Variants in ARHGAP32 observed in about 807,000 individuals in gnomAD.
ARHGAP32 encodes the protein rho GTPase-activating protein 32.
Under a neutral mutation model 186.5 loss-of-function variants are expected in ARHGAP32, and 51 were observed. The observed-to-expected ratio is 0.27, with a 90% confidence interval of 0.22 to 0.35. The LOEUF (loss-of-function observed/expected upper bound fraction) is 0.35, where lower values mean the gene tolerates loss of function less well. ARHGAP32 is among the 10% of genes least tolerant of loss of function. The pLI, the probability that ARHGAP32 is intolerant of heterozygous loss-of-function variation, is 1.00. For synonymous variants in ARHGAP32, 950 were observed against 964.3 expected, an observed-to-expected ratio of 0.99 and a Z score of 0.27; for missense variants, 2,186 against 2,623.5, an observed-to-expected ratio of 0.83 and a Z score of 3.64.
At position 129,040,672 on chromosome 11, in the gene ARHGAP32, G is replaced by A. The variant is rs561952793; in HGVS notation, c.1045+256C>T. Among the ~76,000 whole-genome samples, 233 of 152,096 alleles carry A rather than the reference G, an allele frequency of 1.5e-3. 2 individuals carry two copies. The highest frequency in any genetic ancestry group is 5.5e-3 in the African/African-American group (228 of 41,498). On this transcript the variant is annotated intron_variant, in intron 11 of 22. Transcript: ENST00000682385. ...ATTCATTAAGTTACAATGCTATTAT[G>A]CAACTATAAAAGTAAATAATGACAA...
chr11:129,005,002 A>T (rs557236066), intron 11 of ARHGAP32, among the ~76,000 whole-genome samples: 1 of 151,690 alleles, frequency 6.6e-6, no homozygotes, highest in Non-Finnish European at 1.5e-5. Flanking sequence ...TGGTGGTATG[A>T]TACAATTTCT....
intron 1 of ARHGAP32, among the ~76,000 whole-genome samples, chr11:129,221,479 C>CTGTG (rs537808170): frequency 0.024 from 2,905 of 121,150 alleles, 48 homozygotes; most frequent in Admixed American, 0.035. Context: ...ATTGTCATTA[C>CTGTG]TGTGTGTGTG....
rs557698308 is a variant in ARHGAP32, at chr11:129,141,476, G to T, written c.226-16582C>A. Among the ~76,000 whole-genome samples the T allele has an allele frequency of 1.8e-4, 27 of 152,216 alleles. No individual in the cohort carries two copies. The East Asian group carries it at 2.9e-3, about 16-fold the overall frequency. On this transcript the variant is annotated intron_variant, in intron 2 of 22. Coordinates refer to ENST00000682385, the MANE Select transcript of ARHGAP32 (RefSeq NM_001378024.1). ...ATCAGACACCGGGGCCTGTCATGGGGTAGGGGGATGGGGAAGGGACAGCAT... is the reference window on the plus strand; with the variant it reads ...ATCAGACACCGGGGCCTGTCATGGGTTAGGGGGATGGGGAAGGGACAGCAT...
intron 6 of ARHGAP32, among the ~76,000 whole-genome samples, chr11:129,069,549 T>C (rs892550552): frequency 1.3e-5 from 2 of 152,006 alleles, no homozygotes; most frequent in South Asian, 4.2e-4. Flanking sequence ...TGCATCAGGG[T>C]TTCAGTCAGC....
At chr11:129,002,871 C>G (rs369612255) in intron 11 of ARHGAP32, among the ~76,000 whole-genome samples, 314 of 135,928 alleles carry the variant, frequency 2.3e-3, no homozygotes, top group African/African-American at 8.6e-3. Context: ...TGCAGTGGCG[C>G]GATCTCGGCT....
At chr11:129,215,688 G>C (rs958437767) in intron 1 of ARHGAP32, among the ~76,000 whole-genome samples, 6 of 152,122 alleles carry the variant, frequency 3.9e-5, no homozygotes, top group African/African-American at 1.2e-4. Flanking sequence ...CTGAGAATCC[G>C]TGTGATTACC....
intron 1 of ARHGAP32, among the ~76,000 whole-genome samples, chr11:129,183,766 A>G (rs1277939732): frequency 6.8e-6 from 1 of 148,056 alleles, no homozygotes. Context: ...CACTCCTAAG[A>G]CCCACCAAAT....
intron 1 of ARHGAP32, among the ~76,000 whole-genome samples, chr11:129,219,986 T>C (rs372153505): frequency 2.0e-5 from 3 of 152,056 alleles, no homozygotes; most frequent in Admixed American, 6.6e-5. Flanking sequence ...CAAACACATT[T>C]CTCTACCCTA....
chr11:129,037,929 C>T (rs1041124999), intron 11 of ARHGAP32, among the ~76,000 whole-genome samples: 5 of 151,632 alleles, frequency 3.3e-5, no homozygotes, highest in East Asian at 1.9e-4. Flanking sequence ...GATGAAACCC[C>T]ATCTCTATCA....
intron 1 of ARHGAP32, among the ~76,000 whole-genome samples, chr11:129,167,390 A>G (rs192219734): frequency 7.0e-4 from 106 of 152,292 alleles, no homozygotes; most frequent in Non-Finnish European, 1.4e-3. Context: ...AGAAATAAAA[A>G]CACGTCTACC....
chr11:129,265,151 G>A (rs1591385375), intron 1 of ARHGAP32, among the ~76,000 whole-genome samples: 1 of 152,202 alleles, frequency 6.6e-6, no homozygotes, highest in Non-Finnish European at 1.5e-5. Flanking sequence ...CAAACTGGGA[G>A]GGAAGTGGAC....
intron 2 of ARHGAP32, among the ~76,000 whole-genome samples, chr11:129,143,676 A>G (rs1943111206): frequency 8.5e-6 from 1 of 118,166 alleles, no homozygotes; most frequent in Non-Finnish European, 2.0e-5. Flanking sequence ...GAGGAGCTGG[A>G]AAGTGCTTCT....
At position 128,973,301 on chromosome 11, in the gene ARHGAP32, A is replaced by G; in HGVS notation, c.3205T>C (p.Ser1069Pro). The G allele has an allele frequency of 6.2e-7, 1 of 1,614,142 alleles. No homozygotes were observed. The stretch of plus-strand genomic sequence containing the variant: ...CCTGGTCTCTTCAATGACTGAGTTG[A>G]GGCTTGCTGTGCGGACTCAGCTAAT... ...LALAESAQQA[S>P]TQSLKRPGTS... is the part of the protein sequence containing the mutation. The change falls in exon 22 of 23, where the codon TCA becomes CCA. Residue 1069 changes from serine (S) to proline (P), a missense_variant. Coordinates refer to ENST00000682385, the MANE Select transcript of ARHGAP32 (RefSeq NM_001378024.1).
At chr11:129,188,808 T>A (rs1944217098) in intron 1 of ARHGAP32, among the ~76,000 whole-genome samples, 2 of 152,186 alleles carry the variant, frequency 1.3e-5, no homozygotes, top group Non-Finnish European at 2.9e-5. Context: ...AGATCAGCGA[T>A]CTGGGCATCT....
intron 6 of ARHGAP32, among the ~76,000 whole-genome samples, chr11:129,071,469 A>T (rs533897758): frequency 6.6e-6 from 1 of 152,224 alleles, no homozygotes; most frequent in South Asian, 2.1e-4. Context: ...GCTCAATATC[A>T]CTAGTCATTA....
intron 5 of ARHGAP32, among the ~76,000 whole-genome samples, chr11:129,105,282 C>G (rs1448858797): frequency 1.3e-5 from 2 of 152,106 alleles, no homozygotes; most frequent in African/African-American, 4.8e-5. Context: ...ATTTTGAAAG[C>G]CATGCACACG....
intron 1 of ARHGAP32, among the ~76,000 whole-genome samples, chr11:129,223,657 C>G (rs1432089000): frequency 6.6e-6 from 1 of 152,028 alleles, no homozygotes; most frequent in East Asian, 1.9e-4. Flanking sequence ...GTTTAGATAC[C>G]AATTTAAATA....
chr11:128,973,202 A>G lies in ARHGAP32; in HGVS notation c.3304T>C (p.Tyr1102His). 1 of 1,614,212 alleles carries G rather than the reference A, an allele frequency of 6.2e-7. No homozygotes were observed. Reference protein sequence around the residue: ...ATTEDNLSSSYSAVALDKAYF... With the variant: ...ATTEDNLSSSHSAVALDKAYF... The stretch of plus-strand genomic sequence containing the variant: ...GCCTTATCTAGAGCAACTGCAGAGT[A>G]AGAACTGGACAGATTATCTTCAGTT... Residue 1102 changes from tyrosine to histidine, a missense_variant, in exon 22 of 23, where the codon TAC becomes CAC. By Grantham distance (83) the Tyr-to-His change is moderately conservative. Coordinates refer to ENST00000682385, the MANE Select transcript of ARHGAP32 (RefSeq NM_001378024.1).
At chr11:129,183,872 A>G (rs563939690) in intron 1 of ARHGAP32, among the ~76,000 whole-genome samples, 3 of 152,262 alleles carry the variant, frequency 2.0e-5, no homozygotes, top group Admixed American at 1.3e-4. Context: ...TGGACTTCCA[A>G]TCCTAGACTG....
Sources: allele counts gnomAD v4.1 joint callset (sites outside exome capture counted in the v4.1 genomes callset), GRCh38; gene constraint gnomAD v4.1.1; transcripts MANE v1.5; gene names NCBI Gene and HGNC (gene_info 2026-07-23, HGNC 2026-07-21).